CALN1: variants seen among roughly 807,000 people sequenced by gnomAD.
The protein encoded by CALN1 is calcium-binding protein 8.
A neutral mutation model predicts 30.6 loss-of-function variants in CALN1; 17 were observed. The ratio of observed to expected loss-of-function variants is 0.56; its 90% CI spans 0.38 to 0.83. The LOEUF (loss-of-function observed/expected upper bound fraction) is 0.83, where lower values mean the gene tolerates loss of function less well. CALN1 is among the 40% of genes least tolerant of loss of function. The pLI is 0.00. For missense variants in CALN1, 291 were observed against 354.9 expected, an observed-to-expected ratio of 0.82 and a Z score of 1.45; for synonymous variants, 156 against 131.4, an observed-to-expected ratio of 1.19 and a Z score of -1.28.
chr7:72,394,102 ATGG>A (rs1205352209), intron 2 of CALN1, among the ~76,000 whole-genome samples: 1 of 152,180 alleles, frequency 6.6e-6, no homozygotes, highest in Non-Finnish European at 1.5e-5. Flanking sequence ...GGTAATATGT[ATGG>A]TGGAGTGCAG....
chr7:71,802,921 G>GGC (rs941544505), intron 6 of CALN1, among the ~76,000 whole-genome samples: 11 of 152,114 alleles, frequency 7.2e-5, no homozygotes, highest in African/African-American at 2.7e-4. Context: ...TTGCTCAGGA[G>GGC]GCTGAGGCAG....
At chr7:71,793,511 T>C (rs1786702993) in intron 6 of CALN1, among the ~76,000 whole-genome samples, 1 of 152,194 alleles carries the variant, frequency 6.6e-6, no homozygotes. Context: ...TGATTCTCTG[T>C]GTGACTTTGA....
chr7:72,292,626 G>C (rs887338507), intron 2 of CALN1, among the ~76,000 whole-genome samples: 3 of 151,386 alleles, frequency 2.0e-5, no homozygotes, highest in East Asian at 3.9e-4. Flanking sequence ...TTCGAGACCA[G>C]CCTGGCCAAC....
In CALN1 at chr7:72,225,031, G is replaced by T. The variant is rs958191602; in HGVS notation, c.244+53655C>A. 2.0e-5 allele frequency among the ~76,000 whole-genome samples: 3 copies of T among 151,958 alleles called. No individual in the cohort carries two copies. The South Asian group carries it at 6.2e-4, about 31-fold the overall frequency. On this transcript the variant is annotated intron_variant, in intron 3 of 6. Transcript: ENST00000395275. The stretch of plus-strand genomic sequence containing the variant: ...GAGAACGGCATGCATGAACCCAGGA[G>T]GTGGAGCTTGCAGTGAGCAGAGATC...
intron 6 of CALN1, among the ~76,000 whole-genome samples, chr7:71,791,374 C>T (rs142555578): frequency 1.7e-3 from 263 of 152,288 alleles, no homozygotes; most frequent in African/African-American, 6.0e-3. Flanking sequence ...CGAGGAATCG[C>T]CACACTGCTT....
chr7:72,337,241 G>A, intron 2 of CALN1: 8 of 985,094 alleles, frequency 8.1e-6, no homozygotes, highest in Non-Finnish European at 9.6e-6. Flanking sequence ...CACACTCCTC[G>A]CTCTGCCGGC....
In CALN1 at chr7:72,403,637, G is replaced by A. The variant is rs373538916; in HGVS notation, c.-73-195C>T. ...TATTAATAAGGCCTCAATGTCACCA[G>A]AGGGTATTGCACAACAAGCCAATAA... On this transcript the variant is annotated intron_variant, in intron 1 of 6. Transcript: ENST00000395275. Among the ~76,000 whole-genome samples the A allele has an allele frequency of 1.8e-4, 28 of 152,322 alleles. No individual in the cohort carries two copies. In the South Asian group the frequency reaches 5.6e-3, roughly 30 times the overall value.
intron 5 of CALN1, among the ~76,000 whole-genome samples, chr7:71,874,045 C>T (rs1248077883): frequency 5.9e-5 from 9 of 152,000 alleles, no homozygotes; most frequent in East Asian, 1.9e-4. Flanking sequence ...GAGGCTGAGG[C>T]GGGTGGATCA....
chr7:72,395,917 G>C (rs369780754), intron 2 of CALN1, among the ~76,000 whole-genome samples: 34 of 152,196 alleles, frequency 2.2e-4, no homozygotes, highest in African/African-American at 8.2e-4. Context: ...AAAAGCTTCT[G>C]ATTTAGGAGG....
At chr7:72,353,346 A>G (rs1803044255) in intron 2 of CALN1, among the ~76,000 whole-genome samples, 1 of 152,196 alleles carries the variant, frequency 6.6e-6, no homozygotes, top group Admixed American at 6.5e-5. Flanking sequence ...AGCAAGCCAA[A>G]TCCAGCAATA....
intron 2 of CALN1, among the ~76,000 whole-genome samples, chr7:72,389,936 AAAAG>A (rs1805469327): frequency 6.6e-6 from 1 of 151,426 alleles, no homozygotes; most frequent in South Asian, 2.1e-4. Context: ...CTAAAAAAAA[AAAAG>A]AAGAAAGAAA....
Position 72,412,136 on chromosome 7 carries a change from G to C in CALN1, c.-152C>G, listed in dbSNP as rs1807210582. ...AATAAAACCACGGACCTCGCGGTGA[G>C]TGTTACAGCTCTTAAAGATGGCGCG... On this transcript the variant is annotated 5_prime_UTR_variant, in exon 1 of 7. Transcript: ENST00000395275. 6.5e-6 allele frequency: 1 copy of C among 152,838 alleles called. No individual in the cohort carries two copies. The highest frequency in any genetic ancestry group is 1.9e-4 in the South Asian group (1 of 5,244). The allele number at this position is 152,838 out of a possible 1,614,324, so 9.5% of individuals were successfully genotyped here. A position where few individuals can be genotyped will look rare whatever the true frequency, so the allele number is the denominator to read the frequency against.
intron 2 of CALN1, among the ~76,000 whole-genome samples, chr7:72,299,669 T>G (rs979362164): frequency 4.6e-5 from 7 of 150,918 alleles, no homozygotes; most frequent in African/African-American, 1.7e-4. Context: ...GAAATACAAT[T>G]TTTTAAAAGA....
chr7:72,025,753 A>G (rs1488133873), intron 4 of CALN1, among the ~76,000 whole-genome samples: 1 of 152,168 alleles, frequency 6.6e-6, no homozygotes. Context: ...TGCACACAAG[A>G]GTTTGTCCAA....
At chr7:72,198,941 A>T (rs1175513049) in intron 3 of CALN1, among the ~76,000 whole-genome samples, 2 of 152,186 alleles carry the variant, frequency 1.3e-5, no homozygotes, top group African/African-American at 2.4e-5. Flanking sequence ...TTAAGAAAGG[A>T]TCTGTCCAGA....
rs560120006 is a variant in CALN1 at position 72,129,459 on chromosome 7, TAGAC to T, written c.245-23169_245-23166del. On this transcript the variant is annotated intron_variant, in intron 3 of 6. Transcript: ENST00000395275. ...GTGCGGTGTGTGTGTGCGTTATAGA[TAGAC>T]AGATAGATGAATTTTAAAGATCATA... Among the ~76,000 whole-genome samples, 302 of 152,282 alleles carry T rather than the reference TAGAC, an allele frequency of 2.0e-3. 2 individuals carry two copies. The highest frequency in any genetic ancestry group is 6.8e-3 in the Middle Eastern group (2 of 294).
At chr7:71,905,561 G>A (rs1206987638) in intron 5 of CALN1, among the ~76,000 whole-genome samples, 1 of 152,026 alleles carries the variant, frequency 6.6e-6, no homozygotes, top group Admixed American at 6.6e-5. Context: ...TCAGTAGCAT[G>A]CTAAGCTTAC....
intron 5 of CALN1, among the ~76,000 whole-genome samples, chr7:71,822,733 A>G (rs1788668447): frequency 6.6e-6 from 1 of 152,222 alleles, no homozygotes; most frequent in Non-Finnish European, 1.5e-5. Context: ...AATAAGATTA[A>G]TAGACCTTTT....
the CALN1 span, among the ~76,000 whole-genome samples, chr7:72,475,232 G>A: frequency 6.6e-6 from 1 of 152,184 alleles, no homozygotes; most frequent in Non-Finnish European, 1.5e-5. Context: ...GGGAGGTCGA[G>A]GCGGGTGGAT....
Sources: allele counts gnomAD v4.1 joint callset (sites outside exome capture counted in the v4.1 genomes callset), GRCh38; gene constraint gnomAD v4.1.1; transcripts MANE v1.5; gene names NCBI Gene and HGNC (gene_info 2026-07-23, HGNC 2026-07-21).